Variants in SNX29 observed in about 807,000 individuals in gnomAD.
The protein encoded by SNX29 is sorting nexin 29, also known as sorting nexin-29.
Under a neutral mutation model 102.1 loss-of-function variants are expected in SNX29, and 78 were observed. The observed-to-expected ratio is 0.76, with a 90% confidence interval of 0.64 to 0.92. SNX29 has a LOEUF of 0.92. Among genes scored for constraint, SNX29 ranks in the 40% least tolerant of loss-of-function variants. The pLI, the probability that SNX29 is intolerant of heterozygous loss-of-function variation, is 0.00. For missense variants in SNX29, 1,280 were observed against 1,061.7 expected (o/e 1.21, Z -2.86); for synonymous variants, 580 against 414.5 (o/e 1.40, Z -4.85).
Position 12,570,167 on chromosome 16 carries a change from C to T in SNX29, c.*1538C>T, listed in dbSNP as rs989508581. On this transcript the variant is annotated 3_prime_UTR_variant, in exon 21 of 21. Transcript: ENST00000566228. ...ATCACTCACACACAGCGCCCCCCCA[C>T]CCCAGAGAAACCGAGTCAGCCTACA... The T allele has an allele frequency of 2.8e-6, 3 of 1,065,084 alleles. No individual in the cohort carries two copies. The highest frequency in any genetic ancestry group is 1.1e-4 in the Admixed American group (2 of 18,740). 66.0% of individuals were successfully genotyped at this position (1,065,084 alleles called of 1,614,324 possible).
rs144929345 is a variant in SNX29 at position 12,559,461 on chromosome 16, G to A, written c.2319-9045G>A. 2.9e-3 allele frequency among the ~76,000 whole-genome samples: 441 copies of A among 151,748 alleles called. 6 individuals are homozygous for A. The highest frequency in any genetic ancestry group is 0.01 in the African/African-American group (419 of 41,322). ...GCTCCCAATGATTCTACATTATGGT[G>A]AGTTGTGTAATTTTTTCCATGTAGT... On this transcript the variant is annotated intron_variant, in intron 20 of 20. Transcript: ENST00000566228.
At chr16:12,126,850 C>T (rs575340713) in intron 12 of SNX29, among the ~76,000 whole-genome samples, 154 bp downstream of exon 12, 64 of 152,290 alleles carry the variant, frequency 4.2e-4, no homozygotes, top group Non-Finnish European at 7.6e-4. Flanking sequence ...TGTGGTATCT[C>T]TCTTTACTGT....
Position 12,139,980 on chromosome 16 carries a change from C to CA in SNX29, c.1595+10246dup, listed in dbSNP as rs59169166. Among the ~76,000 whole-genome samples the CA allele has an allele frequency of 5.5e-3, 480 of 87,514 alleles. 6 individuals carry two copies. Among genetic ancestry groups the CA allele is most frequent in the Non-Finnish European group, 7.8e-3 (345 of 44,058 alleles). 57.4% of individuals were successfully genotyped at this position (87,514 alleles called of 152,430 possible). ...TGGGAGACAGAGAGATACCCTGTCT[C>CA]AAAAAAAAAAAAAAAAAAAAAAAAG... On this transcript the variant is annotated intron_variant, in intron 13 of 20. Coordinates refer to ENST00000566228, the MANE Select transcript of SNX29 (RefSeq NM_032167.5).
Position 12,570,080 on chromosome 16 carries a change from A to AT in SNX29, c.*1452dup. The stretch of plus-strand genomic sequence containing the variant: ...CTCTGGAGAATCATCTGGAAGGTTT[A>AT]TACTGTGCCTTCCCCTCGTAGCAAA... On this transcript the variant is annotated 3_prime_UTR_variant, in exon 21 of 21. Coordinates refer to ENST00000566228, the MANE Select transcript of SNX29 (RefSeq NM_032167.5). 1 of 762,304 alleles carries AT rather than the reference A, an allele frequency of 1.3e-6. No individual in the cohort carries two copies. Among genetic ancestry groups the AT allele is most frequent in the Non-Finnish European group, 1.7e-6 (1 of 603,266 alleles). 47.2% of individuals were successfully genotyped at this position (762,304 alleles called of 1,614,324 possible). A position where few individuals can be genotyped will look rare whatever the true frequency, so the allele number is the denominator to read the frequency against.
chr16:12,102,448 T>G (rs529263452), intron 11 of SNX29, among the ~76,000 whole-genome samples: 1 of 152,378 alleles, frequency 6.6e-6, no homozygotes, highest in South Asian at 2.1e-4. Flanking sequence ...GACTTTTTAA[T>G]GATCGCCATT....
chr16:12,123,177 A>T (rs1223636551), intron 11 of SNX29, among the ~76,000 whole-genome samples: 1 of 152,216 alleles, frequency 6.6e-6, no homozygotes, highest in Non-Finnish European at 1.5e-5. Flanking sequence ...TATTCAGGGC[A>T]TACAACATGA....
chr16:12,000,531 T>TA (rs1403490953), intron 2 of SNX29: 1 of 152,032 alleles, frequency 6.6e-6, no homozygotes, highest in African/African-American at 2.4e-5. Flanking sequence ...AAAATTTTTT[T>TA]TTTTATTTTC....
rs2083677080 is a variant in SNX29, at chr16:12,395,241, C to CA, written c.1900-3204dup. On this transcript the variant is annotated intron_variant, in intron 16 of 20. Coordinates refer to ENST00000566228, the MANE Select transcript of SNX29 (RefSeq NM_032167.5). ...TCAAAGTGGCAGGGTGGGCCTGTGT[C>CA]AGAGTTCCACGCTGGCACTGGGGTC... is the stretch of plus-strand genomic sequence containing the variant. 2.0e-5 allele frequency among the ~76,000 whole-genome samples: 3 copies of CA among 152,298 alleles called. No homozygotes were observed. In the South Asian group the frequency reaches 6.2e-4, roughly 32 times the overall value.
At chr16:12,087,261 G>A (rs2052247208) in intron 11 of SNX29, 1 of 158,432 alleles carries the variant, frequency 6.3e-6, no homozygotes, top group African/African-American at 2.4e-5. Flanking sequence ...AGCTGGGTAT[G>A]GTGGTGGGTG....
intron 20 of SNX29, among the ~76,000 whole-genome samples, chr16:12,550,723 C>T (rs1258155231): frequency 2.0e-5 from 3 of 152,112 alleles, no homozygotes; most frequent in African/African-American, 4.8e-5. Context: ...TTCTACACTC[C>T]TGTGTTGCCT....
chr16:12,570,154 C>A lies in SNX29; in HGVS notation c.*1525C>A. ...AAGGAAGGCTGAGATCACTCACACA[C>A]AGCGCCCCCCCACCCCAGAGAAACC... On this transcript the variant is annotated 3_prime_UTR_variant, in exon 21 of 21. Coordinates refer to ENST00000566228, the MANE Select transcript of SNX29 (RefSeq NM_032167.5). 9.4e-7 allele frequency: 1 copy of A among 1,064,760 alleles called. No homozygotes were observed. The highest frequency in any genetic ancestry group is 1.1e-6 in the Non-Finnish European group (1 of 878,746). The allele number at this position is 1,064,760 out of a possible 1,614,324, so 66.0% of individuals were successfully genotyped here.
intron 1 of SNX29, among the ~76,000 whole-genome samples, chr16:11,992,411 T>A (rs77027547): frequency 5.8e-5 from 3 of 51,546 alleles, no homozygotes. Flanking sequence ...CAGCCCTCTA[T>A]CTAGTTTCAA....
At chr16:12,416,537 G>A (rs1034132487) in intron 18 of SNX29, among the ~76,000 whole-genome samples, 2 of 152,152 alleles carry the variant, frequency 1.3e-5, no homozygotes, top group Admixed American at 6.5e-5. Context: ...CCCTGAGTTC[G>A]TTTGTTTTGT....
chr16:12,556,444 C>CT (rs2078355391), intron 20 of SNX29: 5 of 152,206 alleles, frequency 3.3e-5, no homozygotes, highest in Admixed American at 6.5e-5. Flanking sequence ...GAAGAAACTC[C>CT]AAGGAACTCT....
intron 11 of SNX29, among the ~76,000 whole-genome samples, chr16:12,103,443 A>G (rs1413046131): frequency 6.6e-6 from 1 of 152,240 alleles, no homozygotes; most frequent in African/African-American, 2.4e-5. Flanking sequence ...CAATGGGGAA[A>G]GGATTCCCTA....
At chr16:11,995,698 T>A (rs2056043805) in intron 1 of SNX29, among the ~76,000 whole-genome samples, 1 of 145,058 alleles carries the variant, frequency 6.9e-6, no homozygotes, top group Non-Finnish European at 1.5e-5. Context: ...CCAGGAAGGG[T>A]AGGTGCTAAA....
chr16:12,178,121 C>T (rs796992535), intron 13 of SNX29, among the ~76,000 whole-genome samples: 4 of 152,248 alleles, frequency 2.6e-5, no homozygotes, highest in African/African-American at 9.6e-5. Flanking sequence ...GGGAGGGAGC[C>T]AGGGCAGGAA....
At chr16:12,099,604 G>T (rs1441477300) in intron 11 of SNX29, among the ~76,000 whole-genome samples, 1 of 152,178 alleles carries the variant, frequency 6.6e-6, no homozygotes, top group Non-Finnish European at 1.5e-5. Flanking sequence ...CCCGGTGAGG[G>T]TGGAGTCCTG....
intron 2 of SNX29, among the ~76,000 whole-genome samples, chr16:12,001,121 G>GC (rs1555515581): frequency 2.0e-5 from 3 of 151,368 alleles, no homozygotes; most frequent in Non-Finnish European, 4.4e-5. Flanking sequence ...AGCTGCTGCT[G>GC]TTTTTTTTTA....
Sources: gnomAD v4.1 joint callset for allele counts (sites outside exome capture counted in the v4.1 genomes callset) on GRCh38, gnomAD v4.1.1 for gene constraint, MANE v1.5 for transcripts, NCBI Gene and HGNC (gene_info 2026-07-23, HGNC 2026-07-21) for gene names.